The following NMNAT2 variants were observed in gnomAD, a reference collection of about 807,000 sequenced individuals.
The protein encoded by NMNAT2 is nicotinamide/nicotinic acid mononucleotide adenylyltransferase 2.
Under a neutral mutation model 41.6 loss-of-function variants are expected in NMNAT2, and 11 were observed. That is an observed-to-expected ratio of 0.26 (90% confidence interval 0.17 to 0.44). The LOEUF is 0.44. Ranked by LOEUF, NMNAT2 falls within the 20% of genes least tolerant of loss-of-function variation. The pLI, the probability that NMNAT2 is intolerant of heterozygous loss-of-function variation, is 1.00. For synonymous variants in NMNAT2, 148 were observed against 151.2 expected (o/e 0.98, Z 0.16); for missense variants, 288 against 407.7 (o/e 0.71, Z 2.53).
At chr1:183,286,242 T>C (rs1661394823) in intron 5 of NMNAT2, among the ~76,000 whole-genome samples, 1 of 151,992 alleles carries the variant, frequency 6.6e-6, no homozygotes, top group Admixed American at 6.6e-5. Flanking sequence ...CAGTTAATTT[T>C]TGTTATTGTT....
intron 8 of NMNAT2, among the ~76,000 whole-genome samples, chr1:183,265,083 C>T (rs1431485415): frequency 6.6e-6 from 1 of 152,108 alleles, no homozygotes; most frequent in Non-Finnish European, 1.5e-5. Context: ...ACTGGAGGCT[C>T]ATGTATCAGC....
chr1:183,301,485 A>C (rs1035545114), intron 1 of NMNAT2, among the ~76,000 whole-genome samples: 2 of 152,240 alleles, frequency 1.3e-5, no homozygotes, highest in Admixed American at 1.3e-4. Context: ...ATTTTTGTCC[A>C]TCAGTTCTGC....
At position 183,291,977 on chromosome 1, in the gene NMNAT2, A is replaced by G. The variant is rs1661553547; in HGVS notation, c.242+813T>C. On this transcript the variant is annotated intron_variant, in intron 3 of 10. Coordinates refer to ENST00000287713, the MANE Select transcript of NMNAT2 (RefSeq NM_015039.4). ...CCCTTCACTGCTCTCATTCCCGCCC[A>G]CCCCGCTCTTCCTGGGCAAACTCTC... 2.6e-5 allele frequency among the ~76,000 whole-genome samples: 4 copies of G among 151,896 alleles called. No individual in the cohort carries two copies. The South Asian group carries it at 8.3e-4, about 32-fold the overall frequency.
chr1:183,252,523 A>T lies in NMNAT2; in HGVS notation c.*118T>A. On this transcript the variant is annotated 3_prime_UTR_variant, in exon 11 of 11. Transcript: ENST00000287713. The stretch of plus-strand genomic sequence containing the variant: ...CAGGTCCCCCACACTATGGGGGGTT[A>T]AGTCAGCAAGTAGGGAAAACAGTCA... 1.4e-6 allele frequency: 1 copy of T among 721,606 alleles called. No homozygotes were observed. Among genetic ancestry groups the T allele is most frequent in the Non-Finnish European group, 2.5e-6 (1 of 398,142 alleles). 44.7% of individuals were successfully genotyped at this position (721,606 alleles called of 1,614,324 possible). A position where few individuals can be genotyped will look rare whatever the true frequency, so the allele number is the denominator to read the frequency against.
intron 1 of NMNAT2, among the ~76,000 whole-genome samples, chr1:183,368,606 C>G (rs760287655): frequency 6.6e-6 from 1 of 152,186 alleles, no homozygotes; most frequent in Non-Finnish European, 1.5e-5. Context: ...CCTCCTCTGT[C>G]CCATAACATG....
chr1:183,315,863 A>G (rs998177556), intron 1 of NMNAT2, among the ~76,000 whole-genome samples: 1 of 152,034 alleles, frequency 6.6e-6, no homozygotes, highest in Non-Finnish European at 1.5e-5. Context: ...GTGTATATCT[A>G]TGTAATAAAC....
chr1:183,343,261 A>G (rs1662858250), intron 1 of NMNAT2, among the ~76,000 whole-genome samples: 1 of 151,972 alleles, frequency 6.6e-6, no homozygotes, highest in African/African-American at 2.4e-5. Context: ...CTTCCCCACT[A>G]CTACTCACAT....
intron 1 of NMNAT2, among the ~76,000 whole-genome samples, chr1:183,382,667 A>G (rs955989522): frequency 4.6e-5 from 7 of 152,226 alleles, no homozygotes; most frequent in African/African-American, 1.7e-4. Flanking sequence ...TATAGGCCCC[A>G]TGCAAGTCTG....
At chr1:183,358,746 A>C (rs1663248032) in intron 1 of NMNAT2, among the ~76,000 whole-genome samples, 3 of 152,152 alleles carry the variant, frequency 2.0e-5, no homozygotes, top group Non-Finnish European at 4.4e-5. Flanking sequence ...TGTTTCTAGA[A>C]TCTCCCAGCA....
chr1:183,258,408 G>T (rs946498715), intron 10 of NMNAT2, among the ~76,000 whole-genome samples: 1 of 152,154 alleles, frequency 6.6e-6, no homozygotes, highest in Non-Finnish European at 1.5e-5. Flanking sequence ...CAGTGAAAGA[G>T]ATCTAACTTA....
chr1:183,397,318 T>C (rs913937185), intron 1 of NMNAT2, among the ~76,000 whole-genome samples: 3 of 151,932 alleles, frequency 2.0e-5, no homozygotes, highest in African/African-American at 7.3e-5. Flanking sequence ...TATCAGTGAT[T>C]GAAGATTAAA....
chr1:183,280,601 A>T (rs546514176), intron 7 of NMNAT2, among the ~76,000 whole-genome samples: 96 of 151,288 alleles, frequency 6.3e-4, no homozygotes, highest in Admixed American at 2.6e-3. Context: ...TTGGCCAGGC[A>T]GTTCTCAAAC....
intron 10 of NMNAT2, among the ~76,000 whole-genome samples, chr1:183,253,986 A>T (rs1660458537): frequency 6.6e-6 from 1 of 151,532 alleles, no homozygotes; most frequent in African/African-American, 2.4e-5. Flanking sequence ...CTATTCATCC[A>T]TTGATGGACG....
At chr1:183,379,152 A>G (rs1453805826) in intron 1 of NMNAT2, among the ~76,000 whole-genome samples, 1 of 151,490 alleles carries the variant, frequency 6.6e-6, no homozygotes, top group Non-Finnish European at 1.5e-5. Context: ...ATTTTTTAAA[A>G]GATCCAATTT....
chr1:183,304,937 C>G, intron 1 of NMNAT2: 1 of 1,315,078 alleles, frequency 7.6e-7, no homozygotes, highest in East Asian at 2.9e-5. Flanking sequence ...GTCACTTCTG[C>G]CAGACCATGC....
intron 1 of NMNAT2, among the ~76,000 whole-genome samples, chr1:183,330,688 G>A (rs1008312491): frequency 4.6e-5 from 7 of 152,170 alleles, no homozygotes; most frequent in African/African-American, 1.7e-4. Context: ...CACAGTGCTG[G>A]GGCACCCCTG....
chr1:183,315,569 G>A (rs1261935396), intron 1 of NMNAT2, among the ~76,000 whole-genome samples: 1 of 152,098 alleles, frequency 6.6e-6, no homozygotes, highest in Non-Finnish European at 1.5e-5. Flanking sequence ...GGATCAGGAA[G>A]TCAGGGGTTC....
At chr1:183,302,919 G>C (rs992169466) in intron 1 of NMNAT2, among the ~76,000 whole-genome samples, 1 of 152,140 alleles carries the variant, frequency 6.6e-6, no homozygotes, top group African/African-American at 2.4e-5. Flanking sequence ...CTATGACTCA[G>C]TGTGCCCCGT....
rs1663426884 is a variant in NMNAT2, at chr1:183,366,973, T to C, written c.85+51210A>G. 3.9e-5 allele frequency among the ~76,000 whole-genome samples: 6 copies of C among 152,312 alleles called. No individual in the cohort carries two copies. In the South Asian group the frequency reaches 1.2e-3, roughly 32 times the overall value. ...CCCCAGTGGAGTGAACCACTCTTTA[T>C]GCTCCCAGTTTGTTACTTATACATG... On this transcript the variant is annotated intron_variant, in intron 1 of 10. Coordinates refer to ENST00000287713, the MANE Select transcript of NMNAT2 (RefSeq NM_015039.4).
Sources: gnomAD v4.1 joint callset for allele counts (sites outside exome capture counted in the v4.1 genomes callset) on GRCh38, gnomAD v4.1.1 for gene constraint, MANE v1.5 for transcripts, NCBI Gene and HGNC (gene_info 2026-07-23, HGNC 2026-07-21) for gene names.